The following PCDHA4 variants were observed in gnomAD, a reference collection of about 807,000 sequenced individuals.
The protein encoded by PCDHA4 is protocadherin alpha 4.
In PCDHA4, 49 loss-of-function variants were observed where a neutral mutation model predicts 61.4. That is an observed-to-expected ratio of 0.80 (90% CI 0.63 to 1.01). PCDHA4 has a LOEUF of 1.01. PCDHA4 is among the 50% of genes least tolerant of loss of function. PCDHA4 has a pLI of 0.00. For synonymous variants in PCDHA4, 590 were observed against 550.3 expected (o/e 1.07, Z -1.01); for missense variants, 1,254 against 1,235.8 (o/e 1.01, Z -0.22).
chr5:140,841,299 C>G (rs2150312843), intron 1 of PCDHA4: 11 of 1,365,702 alleles, frequency 8.1e-6, no homozygotes, highest in East Asian at 5.9e-5. Flanking sequence ...ATAATATTTT[C>G]TGATAGGAAA....
At chr5:140,915,589 T>C (rs1398530314) in intron 1 of PCDHA4, among the ~76,000 whole-genome samples, 1 of 151,900 alleles carries the variant, frequency 6.6e-6, no homozygotes, top group African/African-American at 2.4e-5. Context: ...AAAGCACTTG[T>C]TCTTTTCCCT....
chr5:140,954,016 A>G (rs246027), intron 1 of PCDHA4, among the ~76,000 whole-genome samples: 85,628 of 151,968 alleles, frequency 0.56, 24,747 homozygotes, highest in African/African-American at 0.69. Context: ...GCTCCCACAC[A>G]TAGTGGGACG....
intron 1 of PCDHA4, chr5:140,857,309 G>A: frequency 6.3e-7 from 1 of 1,598,786 alleles, no homozygotes; most frequent in East Asian, 2.2e-5. Flanking sequence ...GTCGGCCTAT[G>A]AGCTGGTGGT....
intron 1 of PCDHA4, chr5:140,825,414 T>A (rs1768561568): frequency 6.8e-6 from 1 of 146,716 alleles, no homozygotes. Context: ...ATATTTTATA[T>A]AATATATATA....
intron 2 of PCDHA4, among the ~76,000 whole-genome samples, chr5:140,980,036 G>T (rs952735379): frequency 6.6e-6 from 1 of 152,176 alleles, no homozygotes; most frequent in African/African-American, 2.4e-5. Context: ...ATTACATTGG[G>T]TGCTATTTCT....
intron 1 of PCDHA4, chr5:140,875,414 C>T: frequency 6.6e-7 from 1 of 1,508,510 alleles, no homozygotes; most frequent in Non-Finnish European, 8.8e-7. Context: ...CATAAAATAC[C>T]TCAGGCAAGC....
At chr5:140,943,608 T>C (rs1585137347) in intron 1 of PCDHA4, among the ~76,000 whole-genome samples, 1 of 152,184 alleles carries the variant, frequency 6.6e-6, no homozygotes, top group Non-Finnish European at 1.5e-5. Flanking sequence ...ATATAGACTT[T>C]GATTCATCTG....
chr5:140,876,977 A>C (rs782413550), intron 1 of PCDHA4: 12 of 1,612,554 alleles, frequency 7.4e-6, no homozygotes, highest in Non-Finnish European at 1.0e-5. Context: ...GTGGGCGAGC[A>C]CGCACTGTCG....
intron 1 of PCDHA4, among the ~76,000 whole-genome samples, chr5:140,955,446 A>G (rs574900327): frequency 6.6e-6 from 1 of 152,194 alleles, no homozygotes; most frequent in Non-Finnish European, 1.5e-5. Context: ...TGATGGTTTT[A>G]TAAGGGCTTT....
chr5:140,985,878 T>A (rs891027308), intron 3 of PCDHA4, among the ~76,000 whole-genome samples: 1 of 151,822 alleles, frequency 6.6e-6, no homozygotes, highest in South Asian at 2.1e-4. Flanking sequence ...TAGCTGGGAC[T>A]ACAGGCGCCC....
intron 1 of PCDHA4, among the ~76,000 whole-genome samples, chr5:140,885,158 T>C (rs1250241606): frequency 6.6e-6 from 1 of 152,198 alleles, no homozygotes; most frequent in African/African-American, 2.4e-5. Flanking sequence ...TGATTGTCTC[T>C]ACTTTTTTGT....
At chr5:140,822,890 G>A (rs976466535) in intron 1 of PCDHA4, 1 of 1,614,218 alleles carries the variant, frequency 6.2e-7, no homozygotes, top group Non-Finnish European at 8.5e-7. Context: ...GCTCTGATCA[G>A]CGTGTCTGAC....
At chr5:140,822,088 C>G (rs782227527) in intron 1 of PCDHA4, 1 of 1,614,256 alleles carries the variant, frequency 6.2e-7, no homozygotes, top group East Asian at 2.2e-5. Context: ...CAGCATCCAC[C>G]TGGAGGTGAT....
intron 1 of PCDHA4, chr5:140,884,317 G>A (rs1401667312): frequency 3.1e-6 from 5 of 1,613,662 alleles, no homozygotes; most frequent in African/African-American, 2.7e-5. Flanking sequence ...CGAGGGCGTC[G>A]GCAGGCGCTG....
intron 1 of PCDHA4, chr5:140,822,606 G>A (rs1554128745): frequency 1.2e-6 from 2 of 1,608,162 alleles, no homozygotes; most frequent in Non-Finnish European, 8.5e-7. Flanking sequence ...AGGAAATAGT[G>A]TATTTCTTTA....
In PCDHA4 at chr5:140,808,559, C is replaced by G; in HGVS notation, c.1372C>G (p.Pro458Ala). ...VNDNAPAFAQPEYTVFVKENN... is the reference protein window; with the variant it reads ...VNDNAPAFAQAEYTVFVKENN... Reference sequence around the variant, plus strand: ...CGACAACGCTCCGGCGTTCGCGCAGCCCGAGTACACAGTGTTCGTGAAGGA... The same window carrying G: ...CGACAACGCTCCGGCGTTCGCGCAGGCCGAGTACACAGTGTTCGTGAAGGA... The change falls in exon 1 of 4, where the codon CCC becomes GCC. Residue 458 changes from proline (P) to alanine (A), a missense_variant. Pro to Ala is a conservative substitution (Grantham distance 27). Transcript: ENST00000530339. The G allele has an allele frequency of 1.2e-6, 2 of 1,614,116 alleles. No individual in the cohort carries two copies. Among genetic ancestry groups the G allele is most frequent in the Non-Finnish European group, 1.7e-6 (2 of 1,180,012 alleles).
rs2150353812 is a variant in PCDHA4, at chr5:140,843,145, G to T, written c.2385+33573G>T. ...ACTCGGGCTACAACGCGTGGCTTTCGTATGAGCTGCAGCCAGCTGCAAGCA... is the reference window on the plus strand; with the variant it reads ...ACTCGGGCTACAACGCGTGGCTTTCTTATGAGCTGCAGCCAGCTGCAAGCA... On this transcript the variant is annotated intron_variant, in intron 1 of 3. Coordinates refer to ENST00000530339, the MANE Select transcript of PCDHA4 (RefSeq NM_018907.4). 3.8e-6 allele frequency: 6 copies of T among 1,596,072 alleles called. 1 individual carries two copies. Among genetic ancestry groups the T allele is most frequent in the Middle Eastern group, 3.4e-4 (2 of 5,956 alleles).
At position 140,856,085 on chromosome 5, in the gene PCDHA4, C is replaced by T. The variant is rs2043764270; in HGVS notation, c.2385+46513C>T. 5.0e-6 allele frequency: 8 copies of T among 1,596,290 alleles called. No homozygotes were observed. In the East Asian group the frequency reaches 1.8e-4, roughly 36 times the overall value. On this transcript the variant is annotated intron_variant, in intron 1 of 3. Transcript: ENST00000530339. ...ATGTAGCTGCCTGGGGGTCCAGTGT[C>T]TGCTGCTCTCGCTTCTTCTCCTCGC...
At position 140,808,735 on chromosome 5, in the gene PCDHA4, G is replaced by A; in HGVS notation, c.1548G>A (p.Lys516=). ...SYVSVHAESG[K]VYALQPLDHE... is the part of the protein sequence containing the mutation. ...TTTCGGTGCATGCGGAGAGCGGCAA[G>A]GTGTACGCGCTGCAGCCGCTGGACC... is the stretch of plus-strand genomic sequence containing the variant. The change falls in exon 1 of 4, where the codon AAG becomes AAA. Residue 516 remains lysine (K), a synonymous_variant. Transcript: ENST00000530339. 2.5e-6 allele frequency: 4 copies of A among 1,612,204 alleles called. No individual in the cohort carries two copies. The highest frequency in any genetic ancestry group is 3.4e-6 in the Non-Finnish European group (4 of 1,179,814).
Sources: allele counts gnomAD v4.1 joint callset (sites outside exome capture counted in the v4.1 genomes callset), GRCh38; gene constraint gnomAD v4.1.1; transcripts MANE v1.5; gene names NCBI Gene and HGNC (gene_info 2026-07-23, HGNC 2026-07-21).